The following CHD1 variants were observed in gnomAD, a reference collection of about 807,000 sequenced individuals.
The protein encoded by CHD1 is chromodomain helicase DNA binding protein 1.
A neutral mutation model predicts 224.2 loss-of-function variants in CHD1; 36 were observed. The observed-to-expected ratio is 0.16, with a 90% CI of 0.12 to 0.21. CHD1 has a LOEUF of 0.21. CHD1 is among the 10% of genes least tolerant of loss of function. The probability of loss-of-function intolerance (pLI) is 1.00; values close to 1 mark genes in which losing one functional copy is unlikely to be tolerated. For synonymous variants in CHD1, 668 were observed against 658.3 expected (o/e 1.01, Z -0.23); for missense variants, 1,378 against 1,994.8 (o/e 0.69, Z 5.89).
At chr5:98,873,523 C>T in intron 26 of CHD1, 70 bp downstream of exon 26, 3 of 1,192,212 alleles carry the variant, frequency 2.5e-6, no homozygotes, top group Non-Finnish European at 3.4e-6. Flanking sequence ...GATATAATAT[C>T]TAGCTCAATA....
Position 98,899,702 on chromosome 5 carries a change from G to A in CHD1, c.863C>T (p.Thr288Ile), listed in dbSNP as rs777098538. The A allele has an allele frequency of 1.9e-6, 3 of 1,608,542 alleles. No individual in the cohort carries two copies. Among genetic ancestry groups the A allele is most frequent in the Admixed American group, 3.3e-5 (2 of 59,738 alleles). Residue 288 changes from threonine to isoleucine, a missense_variant, in exon 8 of 36, where the codon ACT becomes ATT. Transcript: ENST00000614616. ...MDCRIGRKGA[T>I]GATTTIYAVE... The stretch of plus-strand genomic sequence containing the variant: ...TGCATAGATGGTTGTAGTAGCACCA[G>A]TAGCTGAAAACAAAAGCACAAGATC...
chr5:98,879,528 A>T lies in CHD1; in HGVS notation c.3237+24T>A, dbSNP rs190976396. ...GGTTGAATACTCTTACTTTATAGAA[A>T]TATCTTTAAAATTGCAAAATCACCT... On this transcript the variant is annotated intron_variant, in intron 23 of 35. Coordinates refer to ENST00000614616, the MANE Select transcript of CHD1 (RefSeq NM_001270.4). 5.7e-6 allele frequency: 9 copies of T among 1,573,602 alleles called. No individual in the cohort carries two copies. In the East Asian group the frequency reaches 2.0e-4, roughly 35 times the overall value.
chr5:98,915,032 C>CA (rs1200855357), intron 2 of CHD1, among the ~76,000 whole-genome samples: 3 of 152,068 alleles, frequency 2.0e-5, no homozygotes, highest in South Asian at 2.1e-4. Context: ...ACAACAACAA[C>CA]AAAAAAACAA....
At chr5:98,880,341 T>G (rs1055013588) in intron 22 of CHD1, among the ~76,000 whole-genome samples, 1 of 152,226 alleles carries the variant, frequency 6.6e-6, no homozygotes, top group Non-Finnish European at 1.5e-5. Context: ...TATCTCCCCC[T>G]GCTATAGCTC....
chr5:98,927,156 T>C (rs1233323037), intron 1 of CHD1, among the ~76,000 whole-genome samples: 1 of 152,256 alleles, frequency 6.6e-6, no homozygotes, highest in African/African-American at 2.4e-5. Flanking sequence ...ACTTGGTTTT[T>C]ATTTTGTGAA....
intron 31 of CHD1, among the ~76,000 whole-genome samples, chr5:98,863,985 A>C (rs2112466848): frequency 6.6e-6 from 1 of 152,342 alleles, no homozygotes; most frequent in East Asian, 1.9e-4. Flanking sequence ...TGATTTTAGC[A>C]AAACTATTAA....
In CHD1 at chr5:98,874,676, C is replaced by A. The variant is rs563757661; in HGVS notation, c.3440+396G>T. Among the ~76,000 whole-genome samples the A allele has an allele frequency of 2.0e-5, 3 of 150,494 alleles. No individual in the cohort carries two copies. The South Asian group carries it at 6.3e-4, about 32-fold the overall frequency. ...ACAGTGAGCCAAGATCGCGCCACTG[C>A]ACTCCAGCCTGGGAGACAGTGAGAG... On this transcript the variant is annotated intron_variant, in intron 25 of 35. Transcript: ENST00000614616.
chr5:98,875,294 G>GTATCT (rs1480231702), intron 24 of CHD1, among the ~76,000 whole-genome samples, 181 bp from the exon 25 acceptor site: 1 of 152,000 alleles, frequency 6.6e-6, no homozygotes, highest in African/African-American at 2.4e-5. Flanking sequence ...GATACACCAG[G>GTATCT]TAAGACAAGG....
At chr5:98,868,358 C>A in intron 31 of CHD1, 137 bp downstream of exon 31, 3 of 587,716 alleles carry the variant, frequency 5.1e-6, no homozygotes, top group Non-Finnish European at 5.3e-6. Flanking sequence ...AAAAGACACC[C>A]TTCAAATTTC....
Position 98,869,889 on chromosome 5 carries a change from A to G in CHD1, c.3979-7T>C, listed in dbSNP as rs772874596. On this transcript the variant is annotated splice_polypyrimidine_tract_variant and splice_region_variant and intron_variant, in intron 29 of 35. Transcript: ENST00000614616. ...TTCTCCTCTTTGAACTTCCCTAAAA[A>G]TCATTATTTTAATTTTAACCAATTC... The G allele has an allele frequency of 1.6e-5, 25 of 1,578,888 alleles. No individual in the cohort carries two copies. In the Admixed American group the frequency reaches 4.2e-4, roughly 27 times the overall value.
At chr5:98,884,480 T>C (rs1750499983) in intron 18 of CHD1, among the ~76,000 whole-genome samples, 1 of 151,682 alleles carries the variant, frequency 6.6e-6, no homozygotes, top group African/African-American at 2.4e-5. Context: ...GTAATAAGAA[T>C]GATACAAAGG....
intron 15 of CHD1, chr5:98,889,805 A>G (rs748477791): frequency 1.3e-5 from 2 of 152,236 alleles, no homozygotes; most frequent in South Asian, 2.1e-4. Context: ...CAAGGATGAC[A>G]TGCAAATCCA....
intron 5 of CHD1, 123 bp downstream of exon 5, chr5:98,902,777 T>C (rs953102096): frequency 5.2e-6 from 3 of 581,926 alleles, no homozygotes; most frequent in African/African-American, 3.8e-5. Flanking sequence ...ATTAACTTCA[T>C]AAAATGCCAT....
In CHD1 at chr5:98,897,347, TAG is replaced by T. The variant is rs758013884; in HGVS notation, c.1366-29_1366-28del. The T allele has an allele frequency of 1.5e-5, 22 of 1,461,574 alleles. No homozygotes were observed. In the African/African-American group the frequency reaches 2.7e-4, roughly 18 times the overall value. The allele number at this position is 1,461,574 out of a possible 1,614,324, so 90.5% of individuals were successfully genotyped here. A position where few individuals can be genotyped will look rare whatever the true frequency, so the allele number is the denominator to read the frequency against. ...TTTAGTAGAAATAAACATTATTATG[TAG>T]AGTTATTAAATATAAGAAATTATAC... On this transcript the variant is annotated intron_variant, in intron 10 of 35. Coordinates refer to ENST00000614616, the MANE Select transcript of CHD1 (RefSeq NM_001270.4).
intron 11 of CHD1, among the ~76,000 whole-genome samples, chr5:98,896,786 C>T (rs1218295084): frequency 9.5e-5 from 2 of 21,132 alleles, no homozygotes; most frequent in African/African-American, 1.8e-4. Flanking sequence ...AGGAAGAACA[C>T]AGATTAAAAA....
intron 2 of CHD1, among the ~76,000 whole-genome samples, chr5:98,926,085 G>A (rs547020118): frequency 6.6e-6 from 1 of 151,886 alleles, no homozygotes; most frequent in South Asian, 2.1e-4. Context: ...CTTCCAAATA[G>A]ATTTAAGTAA....
chr5:98,903,284 G>T (rs1224698191), intron 4 of CHD1, among the ~76,000 whole-genome samples: 1 of 151,940 alleles, frequency 6.6e-6, no homozygotes, highest in South Asian at 2.1e-4. Flanking sequence ...GCCAAATTTT[G>T]AATTTTTTCT....
rs1373416254 is a variant in CHD1 at position 98,928,659 on chromosome 5, G to A, written c.-269C>T. 6.5e-6 allele frequency: 1 copy of A among 152,902 alleles called. No homozygotes were observed. Among genetic ancestry groups the A allele is most frequent in the East Asian group, 1.9e-4 (1 of 5,196 alleles). The allele number at this position is 152,902 out of a possible 1,614,324, so 9.5% of individuals were successfully genotyped here. A position where few individuals can be genotyped will look rare whatever the true frequency, so the allele number is the denominator to read the frequency against. On this transcript the variant is annotated 5_prime_UTR_variant, in exon 1 of 36. Coordinates refer to ENST00000614616, the MANE Select transcript of CHD1 (RefSeq NM_001270.4). ...CGTCTCGGGGTAAGCAAGAGTCCGT[G>A]CGGGGGAGGGGGAAGGGGACAGACG...
At chr5:98,911,149 ATATATAT>A (rs1752387939) in intron 2 of CHD1, among the ~76,000 whole-genome samples, 27 of 77,862 alleles carry the variant, frequency 3.5e-4, no homozygotes, top group African/African-American at 1.4e-3. Flanking sequence ...AAAAAAAAAT[ATATATAT>A]ATATATATAT....
Sources: allele counts gnomAD v4.1 joint callset (sites outside exome capture counted in the v4.1 genomes callset), GRCh38; gene constraint gnomAD v4.1.1; transcripts MANE v1.5; gene names NCBI Gene and HGNC (gene_info 2026-07-23, HGNC 2026-07-21).